ST18: variants seen among roughly 807,000 people sequenced by gnomAD.
ST18 encodes ST18 C2H2C-type zinc finger transcription factor.
In ST18, 50 loss-of-function variants were observed where a neutral mutation model predicts 110.0. The observed-to-expected ratio is 0.45, with a 90% CI of 0.36 to 0.58. The LOEUF is 0.58. ST18 is among the 20% of genes least tolerant of loss of function. The pLI, the probability that ST18 is intolerant of heterozygous loss-of-function variation, is 0.00. For missense variants in ST18, 1,306 were observed against 1,280.1 expected (o/e 1.02, Z -0.31); for synonymous variants, 461 against 452.4 (o/e 1.02, Z -0.24).
intron 15 of ST18, among the ~76,000 whole-genome samples, chr8:52,151,753 T>C (rs2058865557): frequency 6.6e-6 from 1 of 152,092 alleles, no homozygotes; most frequent in Admixed American, 6.5e-5. Context: ...AAATGCTAAA[T>C]ATTGTAGTTG....
intron 2 of ST18, among the ~76,000 whole-genome samples, chr8:52,363,266 A>G (rs1826492615): frequency 6.6e-6 from 1 of 152,220 alleles, no homozygotes; most frequent in Non-Finnish European, 1.5e-5. Flanking sequence ...TTTTACCTGT[A>G]CATTCTGCCA....
intron 2 of ST18, among the ~76,000 whole-genome samples, chr8:52,241,996 TGAG>T (rs957485390): frequency 5.9e-5 from 9 of 152,208 alleles, no homozygotes; most frequent in African/African-American, 2.2e-4. Context: ...TGCTAGGTAC[TGAG>T]GAGAATAAAA....
At chr8:52,383,674 C>T (rs927104811) in intron 2 of ST18, among the ~76,000 whole-genome samples, 5 of 152,228 alleles carry the variant, frequency 3.3e-5, no homozygotes, top group Admixed American at 1.3e-4. Context: ...GTCTCTAACT[C>T]CTGACCTCGT....
chr8:52,260,158 G>T (rs1179331484), intron 2 of ST18, among the ~76,000 whole-genome samples: 3 of 152,142 alleles, frequency 2.0e-5, no homozygotes, highest in Non-Finnish European at 4.4e-5. Context: ...CTAAAACATA[G>T]TTTACAATAA....
At position 52,220,405 on chromosome 8, in the gene ST18, A is replaced by G. The variant is rs943741832; in HGVS notation, c.-157+336T>C. Among the ~76,000 whole-genome samples the G allele has an allele frequency of 2.0e-5, 3 of 152,222 alleles. No homozygotes were observed. The South Asian group carries it at 6.2e-4, about 32-fold the overall frequency. On this transcript the variant is annotated intron_variant, in intron 5 of 25. Transcript: ENST00000689386. ...GCTTATTTACTCTTAATCCATAAAC[A>G]AACTAATTTCTAACACGAATGTAAA...
At chr8:52,187,099 T>C (rs2072593700) in intron 8 of ST18, among the ~76,000 whole-genome samples, 1 of 152,198 alleles carries the variant, frequency 6.6e-6, no homozygotes, top group South Asian at 2.1e-4. Flanking sequence ...GTTCAGCCAA[T>C]GTGAGCTGCA....
intron 2 of ST18, among the ~76,000 whole-genome samples, chr8:52,271,755 G>C (rs1416976435): frequency 6.6e-6 from 1 of 152,200 alleles, no homozygotes; most frequent in Non-Finnish European, 1.5e-5. Context: ...GCTTTGTACA[G>C]TGTTTAATAC....
chr8:52,211,434 T>G lies in ST18; in HGVS notation c.86+645A>C, dbSNP rs1350569787. ...TTATTATTATTATTTTGAGATGGAG[T>G]CTCACTCTGTCACCCAGGCTGGAGT... On this transcript the variant is annotated intron_variant, in intron 8 of 25. Transcript: ENST00000689386. Among the ~76,000 whole-genome samples, 7 of 149,560 alleles carry G rather than the reference T, an allele frequency of 4.7e-5. No individual in the cohort carries two copies. The Admixed American group carries it at 4.7e-4, about 10-fold the overall frequency.
At chr8:52,335,785 C>T (rs906338389) in intron 2 of ST18, among the ~76,000 whole-genome samples, 2 of 152,106 alleles carry the variant, frequency 1.3e-5, no homozygotes, top group African/African-American at 4.8e-5. Flanking sequence ...GAATATCCTC[C>T]TGATTGGATA....
intron 2 of ST18, among the ~76,000 whole-genome samples, chr8:52,402,470 C>T (rs1024655370): frequency 2.0e-5 from 3 of 152,090 alleles, no homozygotes; most frequent in African/African-American, 7.2e-5. Flanking sequence ...GTAGCTGTGA[C>T]TCTAATCCTG....
intron 8 of ST18, among the ~76,000 whole-genome samples, chr8:52,207,828 G>A (rs76351695): frequency 3.9e-5 from 6 of 152,182 alleles, no homozygotes; most frequent in Admixed American, 3.9e-4. Context: ...GAGGAAGGGG[G>A]CTGGACTGGT....
intron 2 of ST18, among the ~76,000 whole-genome samples, chr8:52,231,996 C>G (rs146398017): frequency 1.2e-3 from 184 of 152,294 alleles, no homozygotes; most frequent in Non-Finnish European, 2.3e-3. Flanking sequence ...TCTAAGTTCC[C>G]AGATGATGTT....
At chr8:52,183,852 C>A (rs1563928376) in intron 8 of ST18, among the ~76,000 whole-genome samples, 1 of 152,142 alleles carries the variant, frequency 6.6e-6, no homozygotes, top group Non-Finnish European at 1.5e-5. Context: ...ACATAAATTG[C>A]ATTAGATTTA....
intron 15 of ST18, among the ~76,000 whole-genome samples, chr8:52,152,190 C>T (rs572879327): frequency 2.2e-4 from 33 of 152,296 alleles, no homozygotes; most frequent in Middle Eastern, 3.4e-3. Context: ...CTTAAGTGAG[C>T]GCACAGATGC....
chr8:52,172,165 T>C lies in ST18; in HGVS notation c.696A>G (p.Glu232=). The part of the protein sequence containing the change: ...VLTDHKKDLL[E]VPEIKTEGDK... ...CACCTTCAGTTTTTATTTCAGGAAC[T>C]TCCAATAGGTCTTTTTTATGATCTG... The change falls in exon 10 of 26, where the codon GAA becomes GAG. Residue 232 remains glutamate, a synonymous_variant. Coordinates refer to ENST00000689386, the MANE Select transcript of ST18 (RefSeq NM_001352837.2). 1.2e-6 allele frequency: 2 copies of C among 1,614,210 alleles called. No individual in the cohort carries two copies.
chr8:52,351,103 C>T lies in ST18; in HGVS notation c.-465+58225G>A, dbSNP rs554198275. Among the ~76,000 whole-genome samples, 28 of 152,222 alleles carry T rather than the reference C, an allele frequency of 1.8e-4. 1 individual carries two copies. The South Asian group carries it at 4.2e-3, about 23-fold the overall frequency. Reference sequence around the variant, plus strand: ...CTGTCTTGGTATCTCCTAGTAGATGCTCAATTAATGTTTGTTAAATAAATA... The same window carrying T: ...CTGTCTTGGTATCTCCTAGTAGATGTTCAATTAATGTTTGTTAAATAAATA... On this transcript the variant is annotated intron_variant, in intron 2 of 25. Coordinates refer to ENST00000689386, the MANE Select transcript of ST18 (RefSeq NM_001352837.2).
Position 52,161,576 on chromosome 8 carries a change from G to C in ST18, c.1401-8C>G, listed in dbSNP as rs1199580693. 6.2e-7 allele frequency: 1 copy of C among 1,613,630 alleles called. No homozygotes were observed. Among genetic ancestry groups the C allele is most frequent in the Non-Finnish European group, 8.5e-7 (1 of 1,179,730 alleles). On this transcript the variant is annotated splice_polypyrimidine_tract_variant and splice_region_variant and intron_variant, in intron 13 of 25. Transcript: ENST00000689386. ...TGCTTCACCAAACTTGTCCTGGAGAGGGGGGTGAAGCAGTTCAAAAGAAAT... is the reference window on the plus strand; with the variant it reads ...TGCTTCACCAAACTTGTCCTGGAGACGGGGGTGAAGCAGTTCAAAAGAAAT...
chr8:52,269,467 A>T (rs140104548), intron 2 of ST18, among the ~76,000 whole-genome samples: 42 of 152,332 alleles, frequency 2.8e-4, no homozygotes, highest in African/African-American at 7.0e-4. Context: ...TGCTACAGAC[A>T]TTCCTGAGAC....
chr8:52,299,205 T>A (rs945454713), intron 2 of ST18, among the ~76,000 whole-genome samples: 1 of 152,204 alleles, frequency 6.6e-6, no homozygotes. Flanking sequence ...TGTGTACATG[T>A]GTAAACTTCT....
Sources: gnomAD v4.1 joint callset for allele counts (sites outside exome capture counted in the v4.1 genomes callset) on GRCh38, gnomAD v4.1.1 for gene constraint, MANE v1.5 for transcripts, NCBI Gene and HGNC (gene_info 2026-07-23, HGNC 2026-07-21) for gene names.